CASD1: variants seen among roughly 807,000 people sequenced by gnomAD.
The protein encoded by CASD1 is N-acetylneuraminate (7)9-O-acetyltransferase.
Under a neutral mutation model 100.0 loss-of-function variants are expected in CASD1, and 41 were observed. That is an observed-to-expected ratio of 0.41 (90% CI 0.32 to 0.53). The LOEUF is 0.53. Among genes scored for constraint, CASD1 ranks in the 20% least tolerant of loss-of-function variants. The probability of loss-of-function intolerance (pLI) is 0.25; values close to 1 mark genes in which losing one functional copy is unlikely to be tolerated. For missense variants in CASD1, 774 were observed against 948.7 expected, an observed-to-expected ratio of 0.82 and a Z score of 2.42; for synonymous variants, 321 against 315.6, an observed-to-expected ratio of 1.02 and a Z score of -0.18.
intron 9 of CASD1, among the ~76,000 whole-genome samples, chr7:94,538,737 A>C (rs1422775227): frequency 6.6e-6 from 1 of 152,182 alleles, no homozygotes; most frequent in African/African-American, 2.4e-5. Context: ...TAAATATTCA[A>C]AATCTCTTCA....
the CASD1 span, chr7:94,626,700 A>G: frequency 3.9e-5 from 6 of 151,972 alleles, no homozygotes; most frequent in Admixed American, 6.6e-5. Context: ...TCTTTACTGT[A>G]CTGGCTGGGA....
the CASD1 span, chr7:94,598,945 G>A: frequency 6.2e-7 from 1 of 1,613,652 alleles, no homozygotes; most frequent in Non-Finnish European, 8.5e-7. Flanking sequence ...GAATAGCACT[G>A]TGATGGACCA....
intron 14 of CASD1, among the ~76,000 whole-genome samples, 166 bp downstream of exon 14, chr7:94,549,800 C>CA (rs1795857547): frequency 6.6e-6 from 1 of 152,094 alleles, no homozygotes; most frequent in East Asian, 1.9e-4. Flanking sequence ...TTCTTTACAG[C>CA]AGTGAAAGGG....
At chr7:94,623,927 G>T in the CASD1 span, 1 of 367,842 alleles carries the variant, frequency 2.7e-6, no homozygotes, top group South Asian at 1.5e-4. Flanking sequence ...AAGTAGTAAG[G>T]ATCATAGTCC....
the CASD1 span, among the ~76,000 whole-genome samples, chr7:94,614,107 C>CA: frequency 0.13 from 11,993 of 93,354 alleles, 732 homozygotes; most frequent in South Asian, 0.24. Context: ...AAATTGAAAT[C>CA]AAAAAAAAAA....
At chr7:94,598,780 C>T in the CASD1 span, 9 of 1,605,302 alleles carry the variant, frequency 5.6e-6, no homozygotes, top group African/African-American at 1.3e-5. Flanking sequence ...CTTACTGCTG[C>T]GTTTGCATCA....
intron 10 of CASD1, among the ~76,000 whole-genome samples, chr7:94,539,704 G>T (rs1295794229): frequency 6.6e-6 from 1 of 150,970 alleles, no homozygotes; most frequent in African/African-American, 2.4e-5. Context: ...AAACTTTGAA[G>T]ATGATAATTA....
At chr7:94,558,301 A>G (rs1054731037), downstream of CASD1, among the ~76,000 whole-genome samples, 1 of 152,188 alleles carries the variant, frequency 6.6e-6, no homozygotes, top group Non-Finnish European at 1.5e-5. Context: ...AGTCATTGAT[A>G]TCATAAACTG....
intron 3 of CASD1, among the ~76,000 whole-genome samples, chr7:94,522,779 T>G (rs948268800): frequency 1.7e-4 from 26 of 152,124 alleles, no homozygotes; most frequent in African/African-American, 6.3e-4. Context: ...CGCCTCAGCC[T>G]CCCCAGTAGC....
At chr7:94,525,346 AAC>A (rs1237723361) in intron 3 of CASD1, among the ~76,000 whole-genome samples, 1 of 152,178 alleles carries the variant, frequency 6.6e-6, no homozygotes, top group Non-Finnish European at 1.5e-5. Context: ...ACAAAGTATA[AAC>A]ACACAATTTA....
chr7:94,546,982 A>G, intron 12 of CASD1, 114 bp from the exon 13 acceptor site: 1 of 587,498 alleles, frequency 1.7e-6, no homozygotes, highest in Non-Finnish European at 2.8e-6. Context: ...TCTTGTAAGC[A>G]TTCTTATATT....
the CASD1 span, among the ~76,000 whole-genome samples, chr7:94,579,341 A>G: frequency 6.6e-6 from 1 of 152,156 alleles, no homozygotes. Context: ...AATTAAGGTA[A>G]TAAGAATCTT....
At chr7:94,609,369 A>G in the CASD1 span, among the ~76,000 whole-genome samples, 1 of 152,218 alleles carries the variant, frequency 6.6e-6, no homozygotes, top group Admixed American at 6.5e-5. Flanking sequence ...TCTACTGAAA[A>G]TACAAAAATT....
intron 1 of CASD1, 51 bp downstream of exon 1, chr7:94,510,268 G>C: frequency 1.5e-6 from 2 of 1,321,136 alleles, no homozygotes; most frequent in Non-Finnish European, 2.0e-6. Flanking sequence ...AGGCGGCGAC[G>C]CGGCGGCTGG....
chr7:94,622,752 A>G, the CASD1 span: 1 of 152,184 alleles, frequency 6.6e-6, no homozygotes, highest in African/African-American at 2.4e-5. Context: ...ATTCTTAGGA[A>G]ATCACTTACA....
intron 11 of CASD1, among the ~76,000 whole-genome samples, chr7:94,545,175 C>T (rs1795615649): frequency 6.6e-6 from 1 of 152,048 alleles, no homozygotes. Flanking sequence ...TGGGGTAAGT[C>T]AACATTAAAC....
chr7:94,533,773 A>T lies in CASD1; in HGVS notation c.599A>T (p.Lys200Met). 6.3e-7 allele frequency: 1 copy of T among 1,597,656 alleles called. No homozygotes were observed. The highest frequency in any genetic ancestry group is 8.5e-7 in the Non-Finnish European group (1 of 1,172,200). Residue 200 changes from lysine to methionine, a missense_variant, in exon 7 of 18, where the codon AAG (lysine) becomes ATG (methionine). Transcript: ENST00000297273. Reference sequence around the variant, plus strand: ...GCACCACTTTTAGAAAAATTGGCAAAGACTAGTGATGTTTATTGGGTCTTA... The same window carrying T: ...GCACCACTTTTAGAAAAATTGGCAATGACTAGTGATGTTTATTGGGTCTTA... ...SIAPLLEKLA[K>M]TSDVYWVLQD...
chr7:94,574,711 G>C, the CASD1 span, among the ~76,000 whole-genome samples: 1 of 150,522 alleles, frequency 6.6e-6, no homozygotes, highest in South Asian at 2.1e-4. Context: ...TGGCTCATGC[G>C]TGTAATCCCA....
chr7:94,591,491 G>A, the CASD1 span, among the ~76,000 whole-genome samples: 2 of 152,102 alleles, frequency 1.3e-5, no homozygotes. Context: ...AATCAAACAG[G>A]ATAAAGAAAA....
Sources: gnomAD v4.1 joint callset for allele counts (sites outside exome capture counted in the v4.1 genomes callset) on GRCh38, gnomAD v4.1.1 for gene constraint, MANE v1.5 for transcripts, NCBI Gene and HGNC (gene_info 2026-07-23, HGNC 2026-07-21) for gene names.